The following LRRTM4 variants were observed in gnomAD, a reference collection of about 807,000 sequenced individuals.
LRRTM4 encodes the protein leucine rich repeat transmembrane neuronal 4, also known as leucine-rich repeat transmembrane neuronal protein 4.
A neutral mutation model predicts 47.6 loss-of-function variants in LRRTM4; 25 were observed. That is an observed-to-expected ratio of 0.53 (90% CI 0.38 to 0.73). The LOEUF is 0.73. LRRTM4 is among the 30% of genes least tolerant of loss of function. The pLI is 0.00. For synonymous variants in LRRTM4, 311 were observed against 269.5 expected (o/e 1.15, Z -1.51); for missense variants, 638 against 713.4 (o/e 0.89, Z 1.20).
chr2:77,519,795 A>G lies in LRRTM4; in HGVS notation c.74T>C (p.Val25Ala), dbSNP rs1218281747. The stretch of plus-strand genomic sequence containing the variant: ...AGCTCTCTGAGCACCCGTGAGCATA[A>G]CAAGCAGCAGTGTAGGAAGTAGCAC... ...VLVLLPTLLL[V>A]MLTGAQRACP... is the part of the protein sequence containing the mutation. Residue 25 changes from valine to alanine, a missense_variant, in exon 3 of 4, where the codon GTT (valine) becomes GCT (alanine). By Grantham distance (64) the Val-to-Ala change is moderately conservative. Transcript: ENST00000409884. This position sits in a 1 kb window ranked among gnomAD's most constrained non-coding sequence, Gnocchi z 4.6. 3 of 1,613,078 alleles carry G rather than the reference A, an allele frequency of 1.9e-6. No individual in the cohort carries two copies. The highest frequency in any genetic ancestry group is 2.5e-6 in the Non-Finnish European group (3 of 1,179,462).
intron 3 of LRRTM4, among the ~76,000 whole-genome samples, chr2:77,029,050 C>T (rs10189058): frequency 8.4e-6 from 1 of 118,644 alleles, no homozygotes; most frequent in East Asian, 2.2e-4. Context: ...CACACACACA[C>T]AAATATATAT....
chr2:77,383,089 T>C (rs554908693), intron 3 of LRRTM4, among the ~76,000 whole-genome samples: 1 of 152,056 alleles, frequency 6.6e-6, no homozygotes, highest in African/African-American at 2.4e-5. Context: ...GTTTGGTACC[T>C]CAAATTAAGT....
chr2:77,057,371 A>G (rs956736786), intron 3 of LRRTM4, among the ~76,000 whole-genome samples: 1 of 152,204 alleles, frequency 6.6e-6, no homozygotes, highest in Non-Finnish European at 1.5e-5. Flanking sequence ...AGCAATTGTG[A>G]TATGTGTGCG....
Position 77,118,700 on chromosome 2 carries a change from T to G in LRRTM4, c.1552-369784A>C, listed in dbSNP as rs570283861. ...AGCCTTAGAGATTAAGAACAAACAT[T>G]ATGGAGACATGCTACTTGATTTGTT... On this transcript the variant is annotated intron_variant, in intron 3 of 3. Transcript: ENST00000409884. Among the ~76,000 whole-genome samples the G allele has an allele frequency of 7.2e-5, 11 of 151,964 alleles. No homozygotes were observed. In the South Asian group the frequency reaches 2.1e-3, roughly 29 times the overall value.
At chr2:76,898,566 A>AT (rs1330972926) in intron 3 of LRRTM4, among the ~76,000 whole-genome samples, 1 of 150,792 alleles carries the variant, frequency 6.6e-6, no homozygotes, top group Non-Finnish European at 1.5e-5. Flanking sequence ...AAAAAAAAAA[A>AT]AAAAAAAAAA....
chr2:77,098,520 A>G (rs1195225947), intron 3 of LRRTM4, among the ~76,000 whole-genome samples: 1 of 152,042 alleles, frequency 6.6e-6, no homozygotes, highest in East Asian at 1.9e-4. Context: ...AAAAACCTAA[A>G]TATAAAAATT....
At chr2:77,261,194 T>C (rs1294574690) in intron 3 of LRRTM4, among the ~76,000 whole-genome samples, 4 of 151,788 alleles carry the variant, frequency 2.6e-5, no homozygotes, top group Admixed American at 6.6e-5. Flanking sequence ...AAAAAAGAAA[T>C]TGGATGAAAG....
intron 3 of LRRTM4, among the ~76,000 whole-genome samples, chr2:77,223,487 A>G (rs1331611555): frequency 6.6e-6 from 1 of 152,206 alleles, no homozygotes; most frequent in Non-Finnish European, 1.5e-5. Context: ...AATCTCCTTA[A>G]GCTGATAAGC....
chr2:77,209,233 G>A (rs1201795593), intron 3 of LRRTM4, among the ~76,000 whole-genome samples: 1 of 152,026 alleles, frequency 6.6e-6, no homozygotes, highest in Admixed American at 6.6e-5. Context: ...TCACAAGCAA[G>A]CTGTACATGA....
chr2:77,362,170 A>AAAGGAAGAAAGAAAGAAAGGAAGGAAGG, intron 3 of LRRTM4, among the ~76,000 whole-genome samples: 1 of 133,630 alleles, frequency 7.5e-6, no homozygotes, highest in South Asian at 2.4e-4. Context: ...AGAAAGAAAG[A>AAAGGAAGAAAGAAAGAAAGGAAGGAAGG]AAGGAAGGAA....
chr2:76,873,690 T>C (rs1417578153), intron 3 of LRRTM4, among the ~76,000 whole-genome samples: 1 of 151,544 alleles, frequency 6.6e-6, no homozygotes, highest in African/African-American at 2.4e-5. Flanking sequence ...TGAGATGTGC[T>C]TCTGGGTAAC....
intron 3 of LRRTM4, among the ~76,000 whole-genome samples, chr2:76,905,662 T>A (rs13420987): frequency 1.8e-4 from 13 of 71,470 alleles, no homozygotes; most frequent in Non-Finnish European, 4.4e-4. Flanking sequence ...AGGAGCTGAC[T>A]GAGCTGAAAC....
At chr2:76,807,958 T>C (rs1275746084) in intron 3 of LRRTM4, among the ~76,000 whole-genome samples, 1 of 151,402 alleles carries the variant, frequency 6.6e-6, no homozygotes, top group Non-Finnish European at 1.5e-5. Flanking sequence ...TCTTTCTTTT[T>C]CTTTTTCTTT....
At chr2:77,150,500 A>C (rs1672387017) in intron 3 of LRRTM4, among the ~76,000 whole-genome samples, 1 of 152,188 alleles carries the variant, frequency 6.6e-6, no homozygotes, top group Non-Finnish European at 1.5e-5. Context: ...ATTTATGAGA[A>C]AGGTCCAGAA....
At chr2:77,112,599 A>G (rs1238207331) in intron 3 of LRRTM4, among the ~76,000 whole-genome samples, 16 of 147,048 alleles carry the variant, frequency 1.1e-4, no homozygotes, top group Non-Finnish European at 2.0e-4. Flanking sequence ...GCAAGGAGGG[A>G]TTTTTTTTTT....
intron 3 of LRRTM4, among the ~76,000 whole-genome samples, chr2:77,135,356 C>G (rs1671907170): frequency 6.6e-6 from 1 of 152,146 alleles, no homozygotes; most frequent in South Asian, 2.1e-4. Flanking sequence ...GCCCATGCCC[C>G]CTTCTGTTTT....
At chr2:77,366,828 C>G (rs1021758392) in intron 3 of LRRTM4, among the ~76,000 whole-genome samples, 9 of 151,838 alleles carry the variant, frequency 5.9e-5, no homozygotes, top group African/African-American at 1.7e-4. Context: ...TCACAACATC[C>G]TGGGTCAAGT....
At chr2:77,061,741 T>C (rs1679792607) in intron 3 of LRRTM4, among the ~76,000 whole-genome samples, 1 of 152,196 alleles carries the variant, frequency 6.6e-6, no homozygotes, top group Admixed American at 6.5e-5. Context: ...TGCCCATCCA[T>C]TAAATTCTAT....
intron 3 of LRRTM4, among the ~76,000 whole-genome samples, chr2:77,236,634 A>G (rs1675110372): frequency 6.6e-6 from 1 of 152,066 alleles, no homozygotes; most frequent in South Asian, 2.1e-4. Context: ...TGTTTTGATC[A>G]TTCAGTGTGA....
Sources: allele counts gnomAD v4.1 joint callset (sites outside exome capture counted in the v4.1 genomes callset), GRCh38; gene constraint gnomAD v4.1.1; non-coding constraint Gnocchi (gnomAD v3.1); transcripts MANE v1.5; gene names NCBI Gene and HGNC (gene_info 2026-07-23, HGNC 2026-07-21).